Variants in TRIOBP observed in about 807,000 individuals in gnomAD.
The protein encoded by TRIOBP is TRIO and F-actin binding protein.
TRIOBP carries 169 observed loss-of-function variants against 238.8 expected under a neutral mutation model. The ratio of observed to expected loss-of-function variants is 0.71; its 90% confidence interval spans 0.62 to 0.80. The LOEUF (loss-of-function observed/expected upper bound fraction) is 0.80. Ranked by LOEUF, TRIOBP falls within the 30% of genes least tolerant of loss-of-function variation. TRIOBP has a pLI of 0.00. For synonymous variants in TRIOBP, 1,150 were observed against 1,274.4 expected (o/e 0.90, Z 2.08); for missense variants, 2,838 against 3,122.6 (o/e 0.91, Z 2.17).
chr22:37,767,304 CAA>C (rs10666177), intron 18 of TRIOBP, among the ~76,000 whole-genome samples: 1 of 140,620 alleles, frequency 7.1e-6, no homozygotes. Flanking sequence ...GACTCTGTCT[CAA>C]AAAAAAAAAG....
chr22:37,756,844 C>G (rs1925951209), intron 15 of TRIOBP, among the ~76,000 whole-genome samples: 1 of 152,218 alleles, frequency 6.6e-6, no homozygotes, highest in Admixed American at 6.5e-5. Context: ...AACTTGTGTT[C>G]TGTGCACCCC....
chr22:37,697,855 G>A (rs1417520641), intron 2 of TRIOBP, among the ~76,000 whole-genome samples, 159 bp downstream of exon 2: 1 of 152,084 alleles, frequency 6.6e-6, no homozygotes, highest in African/African-American at 2.4e-5. Context: ...TCCAGGGCAT[G>A]GATGTTGGTG....
chr22:37,715,932 A>T lies in TRIOBP; in HGVS notation c.626A>T (p.Glu209Val). Reference sequence around the variant, plus strand: ...GGAGATGCTGCAGGCCAGAAAAAGGAGGGTGAGTCCTTCTGCCAGGTTGGT... The same window carrying T: ...GGAGATGCTGCAGGCCAGAAAAAGGTGGGTGAGTCCTTCTGCCAGGTTGGT... ...VGGDAAGQKK[E>V]DTGGGGRSAG... Residue 209 changes from glutamate to valine, a missense_variant and splice_region_variant, in exon 6 of 24, where the codon GAG (glutamate) becomes GTG (valine). Glu to Val is a moderately radical substitution (Grantham distance 121). Coordinates refer to ENST00000644935, the MANE Select transcript of TRIOBP (RefSeq NM_001039141.3). 2 of 1,612,398 alleles carry T rather than the reference A, an allele frequency of 1.2e-6. No individual in the cohort carries two copies. Among genetic ancestry groups the T allele is most frequent in the Non-Finnish European group, 1.7e-6 (2 of 1,179,806 alleles).
At chr22:37,720,797 G>A (rs1317468097) in intron 6 of TRIOBP, among the ~76,000 whole-genome samples, 1 of 152,054 alleles carries the variant, frequency 6.6e-6, no homozygotes, top group African/African-American at 2.4e-5. Flanking sequence ...ACAGGTGTGA[G>A]CCACTACCAG....
At chr22:37,744,303 C>G (rs1925110365) in intron 11 of TRIOBP, among the ~76,000 whole-genome samples, 2 of 152,138 alleles carry the variant, frequency 1.3e-5, no homozygotes. Flanking sequence ...AACCACCGCG[C>G]CCAGCCTCCA....
intron 11 of TRIOBP, chr22:37,751,530 C>G (rs1449275997): frequency 1.8e-6 from 1 of 567,170 alleles, no homozygotes; most frequent in East Asian, 3.0e-5. Context: ...TGTGTGCCAG[C>G]CACCCAGCCC....
chr22:37,753,453 A>G (rs573063524), intron 12 of TRIOBP, among the ~76,000 whole-genome samples: 1 of 151,402 alleles, frequency 6.6e-6, no homozygotes, highest in Non-Finnish European at 1.5e-5. Context: ...TTTTTTTTGT[A>G]TTTTTAGTAG....
At chr22:37,765,597 C>G in intron 17 of TRIOBP, 73 bp from the exon 18 acceptor site, 3 of 1,543,404 alleles carry the variant, frequency 1.9e-6, no homozygotes, top group Non-Finnish European at 2.6e-6. Context: ...GAGCCTTCTC[C>G]TCTGGAGGCT....
At chr22:37,699,172 C>T (rs541998879) in intron 2 of TRIOBP, among the ~76,000 whole-genome samples, 15 of 152,170 alleles carry the variant, frequency 9.9e-5, no homozygotes, top group South Asian at 4.1e-4. Context: ...CAAAACAAAA[C>T]GAAAACACAT....
intron 11 of TRIOBP, 32 bp from the exon 12 acceptor site, chr22:37,751,740 C>G (rs763400420): frequency 6.2e-7 from 1 of 1,613,572 alleles, no homozygotes; most frequent in Non-Finnish European, 8.5e-7. Flanking sequence ...TCCTGCTGGA[C>G]CCAACTCACC....
rs756385426 is a variant in TRIOBP, at chr22:37,759,255, C to T, written c.6315C>T (p.Tyr2105=). The T allele has an allele frequency of 8.7e-6, 14 of 1,613,018 alleles. 1 individual carries two copies. In the South Asian group the frequency reaches 1.4e-4, roughly 16 times the overall value. Residue 2105 remains tyrosine (Y), a synonymous_variant, in exon 17 of 24, where the codon TAC becomes TAT. Transcript: ENST00000644935. The stretch of plus-strand genomic sequence containing the variant: ...AGGATGGCCACATCCCCCCGGGCTA[C>T]ATCTCACAGGTAAGGCCGGGGGGCT... ...SQEDGHIPPG[Y]ISQEACERSL... is the part of the protein sequence containing the mutation.
At chr22:37,742,986 T>C (rs1224343176) in intron 11 of TRIOBP, among the ~76,000 whole-genome samples, 1 of 152,198 alleles carries the variant, frequency 6.6e-6, no homozygotes, top group Non-Finnish European at 1.5e-5. Context: ...ATTCAGACCC[T>C]GCTCTGGCTG....
intron 7 of TRIOBP, among the ~76,000 whole-genome samples, chr22:37,732,113 A>T (rs1924452199): frequency 6.6e-6 from 1 of 152,176 alleles, no homozygotes; most frequent in Non-Finnish European, 1.5e-5. Flanking sequence ...CAACCAAAAT[A>T]AACATTCATG....
Position 37,758,053 on chromosome 22 carries a change from G to T in TRIOBP, c.6128G>T (p.Arg2043Leu). 2 of 1,612,006 alleles carry T rather than the reference G, an allele frequency of 1.2e-6. No individual in the cohort carries two copies. The highest frequency in any genetic ancestry group is 8.5e-7 in the Non-Finnish European group (1 of 1,179,838). The change falls in exon 16 of 24, where the codon CGG becomes CTG. Residue 2043 changes from arginine (R) to leucine (L), a missense_variant. Arg to Leu is a moderately radical substitution (Grantham distance 102). This residue lies in a region of TRIOBP where 2,096 missense variants were observed against 2,137.4 expected (regional missense o/e 0.98). Transcript: ENST00000644935. ...AAGCTGCCCCTGCGGGAGAATAAGC[G>T]GGTGCCCCTCACTGCCCTGCTCAAC... ...LEKLPLRENK[R>L]VPLTALLNQS...
chr22:37,774,808 C>G lies in TRIOBP; in HGVS notation c.*1028C>G, dbSNP rs1243465835. 1 of 152,126 alleles carries G rather than the reference C, an allele frequency of 6.6e-6. No homozygotes were observed. Among genetic ancestry groups the G allele is most frequent in the Non-Finnish European group, 1.5e-5 (1 of 68,082 alleles). The allele number at this position is 152,126 out of a possible 1,614,324, so 9.4% of individuals were successfully genotyped here. On this transcript the variant is annotated 3_prime_UTR_variant, in exon 24 of 24. Coordinates refer to ENST00000644935, the MANE Select transcript of TRIOBP (RefSeq NM_001039141.3). The stretch of plus-strand genomic sequence containing the variant: ...CAGTGATTCACGTGACCTTCAAAGT[C>G]TGAGGAGCCCTGGAGTAGGGCCCAG...
chr22:37,775,177 G>A lies in TRIOBP; in HGVS notation c.*1397G>A, dbSNP rs1014578167. ...TGGAAGGCTGTGAGAACCCAGAGGA[G>A]ACCCTGACCCAGCCTGCAGGTAGAA... On this transcript the variant is annotated 3_prime_UTR_variant, in exon 24 of 24. Coordinates refer to ENST00000644935, the MANE Select transcript of TRIOBP (RefSeq NM_001039141.3). 2.6e-5 allele frequency: 4 copies of A among 152,208 alleles called. No homozygotes were observed. The highest frequency in any genetic ancestry group is 9.7e-5 in the African/African-American group (4 of 41,448). The allele number at this position is 152,208 out of a possible 1,614,324, so 9.4% of individuals were successfully genotyped here. A position where few individuals can be genotyped will look rare whatever the true frequency, so the allele number is the denominator to read the frequency against.
chr22:37,725,130 C>T lies in TRIOBP; in HGVS notation c.2574C>T (p.Ser858=), dbSNP rs770905244. Residue 858 remains serine, a synonymous_variant, in exon 7 of 24, where the codon TCC becomes TCT. Transcript: ENST00000644935. ...AGCGGGACCGCACACAGTCCTTTTCCTTTCAACGAGACAACCCTGGAACCT... is the reference window on the plus strand; with the variant it reads ...AGCGGGACCGCACACAGTCCTTTTCTTTTCAACGAGACAACCCTGGAACCT... ...CTQRDRTQSF[S]FQRDNPGTSS... is the part of the protein sequence containing the mutation. 1 of 1,614,150 alleles carries T rather than the reference C, an allele frequency of 6.2e-7. No homozygotes were observed. The highest frequency in any genetic ancestry group is 8.5e-7 in the Non-Finnish European group (1 of 1,180,018).
At chr22:37,715,366 A>G (rs997653179) in intron 5 of TRIOBP, among the ~76,000 whole-genome samples, 2 of 147,910 alleles carry the variant, frequency 1.4e-5, no homozygotes, top group Admixed American at 1.4e-4. Context: ...TTTTTGAGAC[A>G]GAGTCTCACT....
chr22:37,741,519 G>A (rs1924933235), intron 11 of TRIOBP, among the ~76,000 whole-genome samples: 1 of 152,228 alleles, frequency 6.6e-6, no homozygotes, highest in Non-Finnish European at 1.5e-5. Context: ...GCAGGCAGCT[G>A]AGACCCGCTC....
Sources: allele counts gnomAD v4.1 joint callset (sites outside exome capture counted in the v4.1 genomes callset), GRCh38; gene constraint gnomAD v4.1.1; regional missense constraint gnomAD v4.1.1; transcripts MANE v1.5; gene names NCBI Gene and HGNC (gene_info 2026-07-23, HGNC 2026-07-21).